Variants in CLINT1 observed in about 807,000 individuals in gnomAD.
CLINT1 encodes the protein clathrin interacting protein localized in the trans-Golgi region.
CLINT1 carries 15 observed loss-of-function variants against 70.4 expected under a neutral mutation model. That is an observed-to-expected ratio of 0.21 (90% CI 0.14 to 0.33). The LOEUF is 0.33. Ranked by LOEUF, CLINT1 falls within the 10% of genes least tolerant of loss-of-function variation. The pLI is 1.00. For missense variants in CLINT1, 615 were observed against 778.1 expected, an observed-to-expected ratio of 0.79 and a Z score of 2.49; for synonymous variants, 227 against 254.7, an observed-to-expected ratio of 0.89 and a Z score of 1.04.
At chr5:157,840,794 T>C (rs1222245259) in intron 1 of CLINT1, among the ~76,000 whole-genome samples, 1 of 152,062 alleles carries the variant, frequency 6.6e-6, no homozygotes, top group Non-Finnish European at 1.5e-5. Context: ...CCTAGCACTT[T>C]GGAAGGCTGA....
intron 8 of CLINT1, among the ~76,000 whole-genome samples, chr5:157,799,556 G>GT (rs1296840487): frequency 2.6e-5 from 4 of 151,978 alleles, no homozygotes; most frequent in African/African-American, 9.7e-5. Context: ...TTAACAGTAT[G>GT]TTAATCAAGA....
At position 157,822,156 on chromosome 5, in the gene CLINT1, C is replaced by T. The variant is rs114182623; in HGVS notation, c.42-4609G>A. 5.1e-3 allele frequency among the ~76,000 whole-genome samples: 779 copies of T among 151,398 alleles called. 9 individuals carry two copies. The highest frequency in any genetic ancestry group is 0.017 in the African/African-American group (713 of 41,298). On this transcript the variant is annotated intron_variant, in intron 1 of 11. Coordinates refer to ENST00000411809, the MANE Select transcript of CLINT1 (RefSeq NM_014666.4). ...TGGGAGATAATTTGAATCATGAGGG[C>T]GGTTTCCCTCATACTGTTCTAGTGG...
At chr5:157,830,710 T>TAC (rs1285710051) in intron 1 of CLINT1, among the ~76,000 whole-genome samples, 2 of 141,354 alleles carry the variant, frequency 1.4e-5, no homozygotes, top group African/African-American at 5.3e-5. Context: ...ACCTTGTCTC[T>TAC]ACACACACAC....
chr5:157,847,803 G>A (rs1753433767), intron 1 of CLINT1, among the ~76,000 whole-genome samples: 1 of 152,128 alleles, frequency 6.6e-6, no homozygotes, highest in Non-Finnish European at 1.5e-5. Flanking sequence ...TGGTTAAAAT[G>A]ACAACAAAGA....
In CLINT1 at chr5:157,787,794, A is replaced by G. The variant is rs1471205458; in HGVS notation, c.1730T>C (p.Met577Thr). 6.2e-7 allele frequency: 1 copy of G among 1,614,000 alleles called. No individual in the cohort carries two copies. The highest frequency in any genetic ancestry group is 8.5e-7 in the Non-Finnish European group (1 of 1,179,868). ...GNTPMMNQSMMGMNMNIGMSA... is the reference protein window; with the variant it reads ...GNTPMMNQSMTGMNMNIGMSA... ...CATCCCTATGTTCATGTTCATGCCC[A>G]TCATGCTCTGGTTCATCATCGGAGT... is the stretch of plus-strand genomic sequence containing the variant. The change falls in exon 12 of 12, where the codon ATG becomes ACG. Residue 577 changes from methionine (M) to threonine (T), a missense_variant. Physicochemically the swap from Met to Thr is moderately conservative, Grantham distance 81. Coordinates refer to ENST00000411809, the MANE Select transcript of CLINT1 (RefSeq NM_014666.4).
At chr5:157,812,707 T>C (rs1039071935) in intron 5 of CLINT1, among the ~76,000 whole-genome samples, 8 of 152,232 alleles carry the variant, frequency 5.3e-5, no homozygotes, top group Non-Finnish European at 1.2e-4. Flanking sequence ...CTGATCAAAC[T>C]TTTTATTTTT....
chr5:157,842,529 T>A (rs1753222450), intron 1 of CLINT1, among the ~76,000 whole-genome samples: 1 of 152,246 alleles, frequency 6.6e-6, no homozygotes, highest in Non-Finnish European at 1.5e-5. Context: ...TATTTGGATA[T>A]GATGGTAACA....
chr5:157,789,565 A>T, intron 10 of CLINT1, 52 bp from the exon 11 acceptor site: 1 of 1,612,376 alleles, frequency 6.2e-7, no homozygotes, highest in Non-Finnish European at 8.5e-7. Context: ...CATTTTGCAA[A>T]GGCTGGAAAA....
intron 1 of CLINT1, among the ~76,000 whole-genome samples, chr5:157,823,918 C>T (rs2541275): frequency 0.13 from 20,284 of 151,948 alleles, 1,759 homozygotes; most frequent in African/African-American, 0.25. Flanking sequence ...GTGAACTGTG[C>T]ATGTGAGGGA....
chr5:157,816,376 T>C (rs1447064355), intron 3 of CLINT1, among the ~76,000 whole-genome samples: 1 of 152,182 alleles, frequency 6.6e-6, no homozygotes, highest in African/African-American at 2.4e-5. Context: ...ATTAGGTAAA[T>C]TTCTATGTCG....
At chr5:157,823,750 T>A in intron 1 of CLINT1, 1 of 826,026 alleles carries the variant, frequency 1.2e-6, no homozygotes, top group Non-Finnish European at 1.5e-6. Context: ...CCCATAAAAT[T>A]AACATTGTAG....
intron 9 of CLINT1, among the ~76,000 whole-genome samples, chr5:157,792,382 C>T (rs987067639): frequency 6.6e-6 from 1 of 152,034 alleles, no homozygotes. Context: ...CTCATCTCTA[C>T]TAAAAATACA....
At chr5:157,840,382 G>C (rs1323973078) in intron 1 of CLINT1, among the ~76,000 whole-genome samples, 1 of 151,884 alleles carries the variant, frequency 6.6e-6, no homozygotes, top group East Asian at 1.9e-4. Flanking sequence ...TCCTGGAATG[G>C]GACAACTGAC....
At chr5:157,845,298 G>A (rs1042799292) in intron 1 of CLINT1, among the ~76,000 whole-genome samples, 15 of 151,878 alleles carry the variant, frequency 9.9e-5, no homozygotes, top group African/African-American at 3.6e-4. Flanking sequence ...GCAGTGAGCC[G>A]AGATCATGCC....
At chr5:157,829,431 G>A (rs977295809) in intron 1 of CLINT1, among the ~76,000 whole-genome samples, 1 of 152,200 alleles carries the variant, frequency 6.6e-6, no homozygotes, top group Non-Finnish European at 1.5e-5. Flanking sequence ...TCCAGGGAAG[G>A]TCTGAAAAAT....
chr5:157,787,409 T>C lies in CLINT1; in HGVS notation c.*237A>G, dbSNP rs533191273. 2 of 544,488 alleles carry C rather than the reference T, an allele frequency of 3.7e-6. No individual in the cohort carries two copies. Among genetic ancestry groups the C allele is most frequent in the South Asian group, 4.6e-5 (2 of 43,110 alleles). 33.7% of individuals were successfully genotyped at this position (544,488 alleles called of 1,614,324 possible). On this transcript the variant is annotated 3_prime_UTR_variant, in exon 12 of 12. Transcript: ENST00000411809. ...GGCTTTCAATGGTCTCACCACCCAC[T>C]TGTGGTCTATCCTCACTGGAAAAAA...
chr5:157,800,301 A>G (rs958554165), intron 8 of CLINT1, among the ~76,000 whole-genome samples: 7 of 152,156 alleles, frequency 4.6e-5, no homozygotes, highest in African/African-American at 1.4e-4. Context: ...TACAGATGCC[A>G]TATCTGCTTA....
chr5:157,787,989 A>G lies in CLINT1; in HGVS notation c.1535T>C (p.Met512Thr), dbSNP rs1182910903. ...SLNTMIQQQN[M>T]QQPMNVMTQS... ...AGTCATCACATTCATAGGCTGCTGC[A>G]TATCTACCAGACGAAAACAGACAGA... The change falls in exon 12 of 12, where the codon ATG (methionine) becomes ACG (threonine). Residue 512 changes from methionine to threonine, a missense_variant. Coordinates refer to ENST00000411809, the MANE Select transcript of CLINT1 (RefSeq NM_014666.4). The G allele has an allele frequency of 3.1e-6, 5 of 1,603,834 alleles. No individual in the cohort carries two copies. Among genetic ancestry groups the G allele is most frequent in the Admixed American group, 1.7e-5 (1 of 58,150 alleles).
intron 6 of CLINT1, among the ~76,000 whole-genome samples, chr5:157,807,929 T>C (rs1390297709): frequency 2.6e-5 from 4 of 151,892 alleles, no homozygotes; most frequent in African/African-American, 9.7e-5. Context: ...GTAACACAGT[T>C]AGTGGTGGAA....
Sources: gnomAD v4.1 joint callset for allele counts (sites outside exome capture counted in the v4.1 genomes callset) on GRCh38, gnomAD v4.1.1 for gene constraint, MANE v1.5 for transcripts, NCBI Gene and HGNC (gene_info 2026-07-23, HGNC 2026-07-21) for gene names.